The following PCDH17 variants were observed in gnomAD, a reference collection of about 807,000 sequenced individuals.
PCDH17 encodes protocadherin 17.
PCDH17 carries 21 observed loss-of-function variants against 67.7 expected under a neutral mutation model. That is an observed-to-expected ratio of 0.31 (90% CI 0.22 to 0.45). The LOEUF is 0.45. Ranked by LOEUF, PCDH17 falls within the 20% of genes least tolerant of loss-of-function variation. PCDH17 has a pLI of 1.00. For synonymous variants in PCDH17, 701 were observed against 656.7 expected (o/e 1.07, Z -1.03); for missense variants, 1,471 against 1,564.8 (o/e 0.94, Z 1.01).
In PCDH17 at chr13:57,727,550, C is replaced by T. The variant is rs1297611104; in HGVS notation, c.*2256C>T. On this transcript the variant is annotated 3_prime_UTR_variant, in exon 4 of 4. Transcript: ENST00000377918. ...GTGGACAACTCCCATCAGCCTTATT[C>T]TCTTGAGAACTATATTTTGGTTCCT... 6.6e-6 allele frequency: 1 copy of T among 152,146 alleles called. No individual in the cohort carries two copies. Among genetic ancestry groups the T allele is most frequent in the Non-Finnish European group, 1.5e-5 (1 of 67,996 alleles). The allele number at this position is 152,146 out of a possible 1,614,324, so 9.4% of individuals were successfully genotyped here. A position where few individuals can be genotyped will look rare whatever the true frequency, so the allele number is the denominator to read the frequency against.
At chr13:57,695,805 A>C (rs1262264387) in intron 3 of PCDH17, among the ~76,000 whole-genome samples, 1 of 151,400 alleles carries the variant, frequency 6.6e-6, no homozygotes, top group African/African-American at 2.4e-5. Context: ...ATTGTAATTT[A>C]TATCTTATTT....
At chr13:57,689,152 A>G (rs1955534029) in intron 3 of PCDH17, among the ~76,000 whole-genome samples, 1 of 152,068 alleles carries the variant, frequency 6.6e-6, no homozygotes, top group Non-Finnish European at 1.5e-5. Context: ...AGATTCATTC[A>G]ACAACTTTTT....
intron 1 of PCDH17, among the ~76,000 whole-genome samples, chr13:57,656,718 G>A (rs926969539): frequency 6.6e-6 from 1 of 152,086 alleles, no homozygotes; most frequent in Non-Finnish European, 1.5e-5. Context: ...GCAAAAAACA[G>A]AAAAGAACTT....
At chr13:57,664,831 T>G (rs955595266) in intron 1 of PCDH17, among the ~76,000 whole-genome samples, 15 of 152,204 alleles carry the variant, frequency 9.9e-5, no homozygotes, top group Middle Eastern at 3.2e-3. Flanking sequence ...TTTCAAAATA[T>G]TTTTGGAAAC....
chr13:57,652,140 C>T (rs1427690186), intron 1 of PCDH17, among the ~76,000 whole-genome samples: 2 of 151,492 alleles, frequency 1.3e-5, no homozygotes, highest in Non-Finnish European at 1.5e-5. Flanking sequence ...TAGCCGGGCG[C>T]GGTGGCGGGC....
rs1444806944 is a variant in PCDH17, at chr13:57,632,931, G to T, written c.385G>T (p.Ala129Ser). ...AGAGATCCAGGACATCAACGACAAC[G>T]CGCCCTCCTTCTCCTCGGACCAGAT... ...KVEIQDINDN[A>S]PSFSSDQIEM... Residue 129 changes from alanine to serine, a missense_variant, in exon 1 of 4, where the codon GCG becomes TCG. Around this residue, in one of 3 missense-constraint regions of PCDH17, gnomAD observed 1,163 missense variants for 1,230.0 expected, o/e 0.95. Transcript: ENST00000377918. The T allele has an allele frequency of 5.6e-6, 9 of 1,613,958 alleles. No homozygotes were observed. Among genetic ancestry groups the T allele is most frequent in the East Asian group, 2.2e-5 (1 of 44,850 alleles).
chr13:57,698,282 T>A (rs1480588052), intron 3 of PCDH17, among the ~76,000 whole-genome samples: 2 of 151,592 alleles, frequency 1.3e-5, no homozygotes, highest in African/African-American at 4.8e-5. Flanking sequence ...TGTTTAGTTA[T>A]TTTTAAAAAA....
chr13:57,708,725 T>C (rs1955744486), intron 3 of PCDH17, among the ~76,000 whole-genome samples: 1 of 151,954 alleles, frequency 6.6e-6, no homozygotes, highest in Non-Finnish European at 1.5e-5. Flanking sequence ...CCTACATAAT[T>C]ATTTTCCAGG....
chr13:57,666,099 T>C (rs1398508253), intron 1 of PCDH17, among the ~76,000 whole-genome samples: 1 of 152,166 alleles, frequency 6.6e-6, no homozygotes, highest in Non-Finnish European at 1.5e-5. Flanking sequence ...AAAATGAGTA[T>C]TATTAAATAA....
At chr13:57,638,571 G>A (rs1223294087) in intron 1 of PCDH17, among the ~76,000 whole-genome samples, 1 of 152,076 alleles carries the variant, frequency 6.6e-6, no homozygotes, top group Non-Finnish European at 1.5e-5. Context: ...CTTACTCAGT[G>A]TTTTACAAAT....
chr13:57,648,578 CAA>C (rs1228069418), intron 1 of PCDH17, among the ~76,000 whole-genome samples: 2 of 151,904 alleles, frequency 1.3e-5, no homozygotes, highest in Admixed American at 6.6e-5. Flanking sequence ...GTATATTTGA[CAA>C]AGAGTCAAAA....
chr13:57,641,690 C>T (rs1214406805), intron 1 of PCDH17, among the ~76,000 whole-genome samples: 2 of 139,102 alleles, frequency 1.4e-5, no homozygotes, highest in Admixed American at 7.6e-5. Context: ...TAGGCCTTGC[C>T]CTGGATCTAT....
intron 3 of PCDH17, among the ~76,000 whole-genome samples, chr13:57,706,988 A>G (rs952950659): frequency 6.6e-6 from 1 of 152,048 alleles, no homozygotes; most frequent in Non-Finnish European, 1.5e-5. Flanking sequence ...TTTCTTAATT[A>G]TGTAATTTTC....
chr13:57,676,625 A>G (rs1367000758), intron 3 of PCDH17, among the ~76,000 whole-genome samples: 1 of 151,900 alleles, frequency 6.6e-6, no homozygotes, highest in Non-Finnish European at 1.5e-5. Context: ...ACAGAATCCC[A>G]TAGAACACAA....
At chr13:57,651,214 A>G (rs1955033314) in intron 1 of PCDH17, among the ~76,000 whole-genome samples, 2 of 152,184 alleles carry the variant, frequency 1.3e-5, no homozygotes, top group South Asian at 4.1e-4. Context: ...AAAATTGTAT[A>G]AATTTCATGA....
chr13:57,719,075 A>T (rs1359431258), intron 3 of PCDH17, among the ~76,000 whole-genome samples: 1 of 152,016 alleles, frequency 6.6e-6, no homozygotes, highest in Non-Finnish European at 1.5e-5. Context: ...TTGCTCTCTG[A>T]TTTGGAAGAC....
chr13:57,652,670 G>A (rs987985759), intron 1 of PCDH17, among the ~76,000 whole-genome samples: 3 of 152,118 alleles, frequency 2.0e-5, no homozygotes, highest in African/African-American at 7.2e-5. Flanking sequence ...GCGTACAATT[G>A]CTTCTGATTC....
At chr13:57,664,738 CAT>C (rs1388898457) in intron 1 of PCDH17, among the ~76,000 whole-genome samples, 1 of 152,088 alleles carries the variant, frequency 6.6e-6, no homozygotes, top group African/African-American at 2.4e-5. Flanking sequence ...GGAATAGATA[CAT>C]GTGTTTGATC....
chr13:57,680,076 T>C (rs1297437092), intron 3 of PCDH17, among the ~76,000 whole-genome samples: 1 of 151,306 alleles, frequency 6.6e-6, no homozygotes, highest in Non-Finnish European at 1.5e-5. Context: ...AAGTGTTTTG[T>C]CTTTGAGGAT....
Sources: gnomAD v4.1 joint callset for allele counts (sites outside exome capture counted in the v4.1 genomes callset) on GRCh38, gnomAD v4.1.1 for gene constraint, gnomAD v4.1.1 regional missense constraint, MANE v1.5 for transcripts, NCBI Gene and HGNC (gene_info 2026-07-23, HGNC 2026-07-21) for gene names.